STK32B: variants seen among roughly 807,000 people sequenced by gnomAD.
STK32B encodes serine/threonine-protein kinase 32B.
STK32B carries 43 observed loss-of-function variants against 52.6 expected under a neutral mutation model. The observed-to-expected ratio is 0.82, with a 90% CI of 0.64 to 1.05. The LOEUF is 1.05. Ranked by LOEUF, STK32B falls within the 50% of genes least tolerant of loss-of-function variation. STK32B has a pLI of 0.00. For missense variants in STK32B, 621 were observed against 534.6 expected, an observed-to-expected ratio of 1.16 and a Z score of -1.59; for synonymous variants, 238 against 204.3, an observed-to-expected ratio of 1.17 and a Z score of -1.41.
At chr4:5,210,564 T>C (rs2108785458) in intron 3 of STK32B, among the ~76,000 whole-genome samples, 1 of 152,254 alleles carries the variant, frequency 6.6e-6, no homozygotes, top group East Asian at 1.9e-4. Flanking sequence ...GAACTCTACT[T>C]GTGGGCTTAT....
At chr4:5,494,247 A>T (rs1197139904) in intron 11 of STK32B, among the ~76,000 whole-genome samples, 1 of 152,120 alleles carries the variant, frequency 6.6e-6, no homozygotes, top group Non-Finnish European at 1.5e-5. Flanking sequence ...GACTTGCTTT[A>T]TGAATCTGGG....
intron 3 of STK32B, among the ~76,000 whole-genome samples, chr4:5,213,283 G>A (rs942563692): frequency 7.2e-5 from 11 of 152,122 alleles, no homozygotes; most frequent in Non-Finnish European, 1.3e-4. Flanking sequence ...GGGTTATGGT[G>A]GAAGCCGACT....
intron 4 of STK32B, among the ~76,000 whole-genome samples, chr4:5,337,935 C>T (rs924380261): frequency 7.2e-5 from 11 of 152,200 alleles, no homozygotes; most frequent in Middle Eastern, 3.4e-3. Flanking sequence ...TGGAGAAAGA[C>T]GGCTAAATCT....
intron 3 of STK32B, among the ~76,000 whole-genome samples, chr4:5,188,012 G>A (rs1168523883): frequency 2.0e-5 from 3 of 152,026 alleles, no homozygotes; most frequent in African/African-American, 4.8e-5. Context: ...CCTCGTGTAG[G>A]GCGCGCCTAC....
At chr4:5,171,834 A>G (rs1428243159) in intron 3 of STK32B, among the ~76,000 whole-genome samples, 2 of 150,660 alleles carry the variant, frequency 1.3e-5, no homozygotes, top group African/African-American at 2.4e-5. Flanking sequence ...GTTTTTTCCA[A>G]TTCTGTGAAG....
At chr4:5,307,632 C>T (rs376259090) in intron 3 of STK32B, among the ~76,000 whole-genome samples, 2 of 149,284 alleles carry the variant, frequency 1.3e-5, no homozygotes, top group African/African-American at 2.5e-5. Context: ...AATCCTTCTT[C>T]TGGCAATTCA....
the STK32B span, among the ~76,000 whole-genome samples, chr4:5,034,946 T>C: frequency 1.3e-5 from 2 of 152,288 alleles, no homozygotes; most frequent in South Asian, 2.1e-4. Flanking sequence ...ACGACTTCCT[T>C]TGAATGGTGC....
intron 3 of STK32B, among the ~76,000 whole-genome samples, chr4:5,243,659 T>A (rs141929996): frequency 0.17 from 25,920 of 152,090 alleles, 2,561 homozygotes; most frequent in African/African-American, 0.25. Context: ...CTTGTGCCAG[T>A]TTTCAAAGGG....
chr4:5,043,126 A>C, the STK32B span, among the ~76,000 whole-genome samples: 8 of 151,634 alleles, frequency 5.3e-5, no homozygotes, highest in Non-Finnish European at 8.8e-5. Flanking sequence ...AAAAAAAAAA[A>C]AAAAAAAAAA....
chr4:5,047,338 G>A (rs549656858), upstream of STK32B, among the ~76,000 whole-genome samples: 5 of 151,978 alleles, frequency 3.3e-5, no homozygotes, highest in Non-Finnish European at 7.4e-5. Flanking sequence ...GGGCCTGTTG[G>A]GGGGTGGGGG....
intron 4 of STK32B, among the ~76,000 whole-genome samples, chr4:5,359,073 C>T (rs1203872212): frequency 6.6e-6 from 1 of 152,182 alleles, no homozygotes; most frequent in African/African-American, 2.4e-5. Flanking sequence ...TCTTCTTGTG[C>T]AGGACCTTGA....
At chr4:5,357,958 G>GA (rs912852678) in intron 4 of STK32B, among the ~76,000 whole-genome samples, 12 of 151,714 alleles carry the variant, frequency 7.9e-5, no homozygotes, top group Admixed American at 5.2e-4. Flanking sequence ...GTATTCAGAC[G>GA]AAAAAAAATG....
intron 3 of STK32B, among the ~76,000 whole-genome samples, chr4:5,266,868 A>G (rs1019046489): frequency 1.3e-5 from 2 of 152,164 alleles, no homozygotes; most frequent in Non-Finnish European, 1.5e-5. Flanking sequence ...GTCAACTCCA[A>G]CATCATTTTA....
At chr4:5,203,840 C>T (rs886209637) in intron 3 of STK32B, among the ~76,000 whole-genome samples, 1 of 152,200 alleles carries the variant, frequency 6.6e-6, no homozygotes, top group African/African-American at 2.4e-5. Flanking sequence ...AGGGGCCCGC[C>T]CTTGCACTCC....
chr4:5,030,223 G>A, the STK32B span, among the ~76,000 whole-genome samples: 4 of 152,162 alleles, frequency 2.6e-5, no homozygotes, highest in Non-Finnish European at 2.9e-5. Context: ...ACTATTATTC[G>A]AGGTTATTCA....
At chr4:5,382,223 G>A (rs1285782382) in intron 4 of STK32B, among the ~76,000 whole-genome samples, 1 of 152,118 alleles carries the variant, frequency 6.6e-6, no homozygotes, top group Non-Finnish European at 1.5e-5. Flanking sequence ...TGGGTACTGT[G>A]GCCCTGTCAA....
At chr4:5,127,056 A>G (rs1387594335) in intron 1 of STK32B, 5 of 495,854 alleles carry the variant, frequency 1.0e-5, no homozygotes, top group Non-Finnish European at 2.0e-5. Flanking sequence ...TAAAGGTGCC[A>G]TGGACATTGG....
the STK32B span, among the ~76,000 whole-genome samples, chr4:5,025,734 GTCTCA>G: frequency 6.6e-6 from 1 of 152,162 alleles, no homozygotes; most frequent in African/African-American, 2.4e-5. Context: ...TCAAATCCTT[GTCTCA>G]GAGTCAGCTT....
At chr4:5,269,036 C>G (rs186677640) in intron 3 of STK32B, among the ~76,000 whole-genome samples, 1 of 152,038 alleles carries the variant, frequency 6.6e-6, no homozygotes, top group Non-Finnish European at 1.5e-5. Context: ...GCCCAGGGGT[C>G]TCTCTGAGTA....
Sources: gnomAD v4.1 joint callset for allele counts (sites outside exome capture counted in the v4.1 genomes callset) on GRCh38, gnomAD v4.1.1 for gene constraint, MANE v1.5 for transcripts, NCBI Gene and HGNC (gene_info 2026-07-23, HGNC 2026-07-21) for gene names.